TUBGCP4: variants seen among roughly 807,000 people sequenced by gnomAD.
The protein encoded by TUBGCP4 is tubulin gamma complex component 4, also known as gamma-tubulin complex component 4.
Under a neutral mutation model 91.6 loss-of-function variants are expected in TUBGCP4, and 54 were observed. That is an observed-to-expected ratio of 0.59 (90% confidence interval 0.47 to 0.74). The LOEUF is 0.74. Ranked by LOEUF, TUBGCP4 falls within the 30% of genes least tolerant of loss-of-function variation. The probability of loss-of-function intolerance (pLI) is 0.00; values close to 1 mark genes in which losing one functional copy is unlikely to be tolerated. For missense variants in TUBGCP4, 593 were observed against 800.9 expected, an observed-to-expected ratio of 0.74 and a Z score of 3.13; for synonymous variants, 297 against 302.8, an observed-to-expected ratio of 0.98 and a Z score of 0.20.
At chr15:43,397,722 T>G (rs1213914166) in intron 12 of TUBGCP4, among the ~76,000 whole-genome samples, 1 of 152,140 alleles carries the variant, frequency 6.6e-6, no homozygotes, top group Non-Finnish European at 1.5e-5. Flanking sequence ...CTGTTGCTTT[T>G]CTTTTGGAGA....
rs1292267174 is a variant in TUBGCP4 at position 43,405,418 on chromosome 15, G to C, written c.*204G>C. 2 of 609,240 alleles carry C rather than the reference G, an allele frequency of 3.3e-6. No homozygotes were observed. The highest frequency in any genetic ancestry group is 3.0e-5 in the Admixed American group (1 of 33,548). The allele number at this position is 609,240 out of a possible 1,614,324, so 37.7% of individuals were successfully genotyped here. On this transcript the variant is annotated 3_prime_UTR_variant, in exon 18 of 18. Coordinates refer to ENST00000564079, the MANE Select transcript of TUBGCP4 (RefSeq NM_014444.5). ...CATGTGGAAGGGTCTCTCCCATCAA[G>C]GAGAACATGTGGCATCTCTGATCCT...
chr15:43,385,992 A>C, intron 8 of TUBGCP4, 36 bp downstream of exon 8: 2 of 1,609,526 alleles, frequency 1.2e-6, no homozygotes, highest in South Asian at 2.2e-5. Context: ...CACACCCTCA[A>C]AATCTCTTCT....
chr15:43,404,034 A>G, intron 16 of TUBGCP4: 1 of 552,080 alleles, frequency 1.8e-6, no homozygotes, highest in Non-Finnish European at 3.2e-6. Context: ...AGCCCATCAA[A>G]TAAGCATTGG....
intron 5 of TUBGCP4, among the ~76,000 whole-genome samples, 165 bp from the exon 6 acceptor site, chr15:43,379,919 T>C (rs2044262999): frequency 6.6e-6 from 1 of 152,204 alleles, no homozygotes; most frequent in South Asian, 2.1e-4. Flanking sequence ...ATGCTGCTGA[T>C]GGGAGAGAGG....
chr15:43,400,488 C>T (rs560007050), intron 14 of TUBGCP4, among the ~76,000 whole-genome samples: 1 of 152,170 alleles, frequency 6.6e-6, no homozygotes. Context: ...GCCTCAAGCT[C>T]CTGGACTCAA....
chr15:43,407,085 T>TAA lies in TUBGCP4; in HGVS notation c.*1872_*1873dup, dbSNP rs1480613720. On this transcript the variant is annotated 3_prime_UTR_variant, in exon 18 of 18. Transcript: ENST00000564079. ...GATGCCACAGAATAAAGTTCACTCTTAACTTTTCAATTTCCTTGGCCAGCT... is the reference window on the plus strand; with the variant it reads ...GATGCCACAGAATAAAGTTCACTCTTAAAACTTTTCAATTTCCTTGGCCAGCT... 3.2e-6 allele frequency: 1 copy of TAA among 307,920 alleles called. No homozygotes were observed. Among genetic ancestry groups the TAA allele is most frequent in the African/African-American group, 2.1e-5 (1 of 46,922 alleles). The allele number at this position is 307,920 out of a possible 1,614,324, so 19.1% of individuals were successfully genotyped here.
chr15:43,388,549 C>A (rs912537150), intron 9 of TUBGCP4, among the ~76,000 whole-genome samples: 1 of 152,130 alleles, frequency 6.6e-6, no homozygotes, highest in South Asian at 2.1e-4. Flanking sequence ...GGTATCAGTT[C>A]CTTTCATTTT....
In TUBGCP4 at chr15:43,405,291, G is replaced by A. The variant is rs2044831876; in HGVS notation, c.*77G>A. The A allele has an allele frequency of 6.6e-7, 1 of 1,518,114 alleles. No individual in the cohort carries two copies. Among genetic ancestry groups the A allele is most frequent in the African/African-American group, 1.4e-5 (1 of 72,718 alleles). 94.0% of individuals were successfully genotyped at this position (1,518,114 alleles called of 1,614,324 possible). ...AGAAGATTCAAAACATCCCATTCTA[G>A]CCACACACAAATAAATATCTGCGGC... On this transcript the variant is annotated 3_prime_UTR_variant, in exon 18 of 18. Transcript: ENST00000564079.
At position 43,405,198 on chromosome 15, in the gene TUBGCP4, G is replaced by A. The variant is rs1460218262; in HGVS notation, c.1989-4G>A. 2 of 1,613,890 alleles carry A rather than the reference G, an allele frequency of 1.2e-6. No homozygotes were observed. Among genetic ancestry groups the A allele is most frequent in the Non-Finnish European group, 8.5e-7 (1 of 1,179,962 alleles). On this transcript the variant is annotated splice_polypyrimidine_tract_variant and splice_region_variant and intron_variant, in intron 17 of 17. Transcript: ENST00000564079. ...CTTAATAAGGCTCTTTTTCTCTTTT[G>A]TAGTTTCGGGATGTGAAAATTTCTG...
At chr15:43,401,177 G>A (rs1288968398) in intron 14 of TUBGCP4, among the ~76,000 whole-genome samples, 1 of 143,972 alleles carries the variant, frequency 6.9e-6, no homozygotes, top group East Asian at 2.1e-4. Context: ...GAGGCTGGGC[G>A]CAGTGGCTCA....
intron 9 of TUBGCP4, among the ~76,000 whole-genome samples, chr15:43,388,901 C>G (rs2044424447): frequency 6.6e-6 from 1 of 152,112 alleles, no homozygotes. Flanking sequence ...TTCTTTCTCT[C>G]CTTTAAAAAT....
intron 9 of TUBGCP4, among the ~76,000 whole-genome samples, chr15:43,388,873 T>C (rs1187162763): frequency 6.6e-6 from 1 of 152,250 alleles, no homozygotes; most frequent in Non-Finnish European, 1.5e-5. Flanking sequence ...ATATGTGTTA[T>C]ATTTATCCCT....
At chr15:43,397,129 G>C (rs2142864459) in intron 11 of TUBGCP4, 85 bp from the exon 12 acceptor site, 1 of 904,710 alleles carries the variant, frequency 1.1e-6, no homozygotes, top group South Asian at 1.3e-5. Context: ...CATTGAGCAT[G>C]TTGGGGGAGA....
intron 5 of TUBGCP4, among the ~76,000 whole-genome samples, chr15:43,379,453 A>G (rs1278408392): frequency 6.6e-6 from 1 of 152,130 alleles, no homozygotes; most frequent in African/African-American, 2.4e-5. Flanking sequence ...CATCCTGGCT[A>G]ACACAGTGAA....
intron 9 of TUBGCP4, among the ~76,000 whole-genome samples, chr15:43,386,725 C>CAAAAAAAAAAAAAAAAAAA (rs10718458): frequency 3.0e-5 from 2 of 67,012 alleles, no homozygotes; most frequent in Non-Finnish European, 2.9e-5. Context: ...ACTCTGTCTC[C>CAAAAAAAAAAAAAAAAAAA]AAAAAAAAAA....
Position 43,376,177 on chromosome 15 carries a change from T to A in TUBGCP4, c.158T>A (p.Ile53Asn), listed in dbSNP as rs760595485. 2 of 1,614,144 alleles carry A rather than the reference T, an allele frequency of 1.2e-6. No individual in the cohort carries two copies. Among genetic ancestry groups the A allele is most frequent in the Non-Finnish European group, 1.7e-6 (2 of 1,180,014 alleles). The change falls in exon 2 of 18, where the codon ATT becomes AAT. Residue 53 changes from isoleucine (I) to asparagine (N), a missense_variant. Coordinates refer to ENST00000564079, the MANE Select transcript of TUBGCP4 (RefSeq NM_014444.5). ...CTCTGCCGGCTCGGCACAGACTATA[T>A]TCGCTTCACTGAGTTCATTGAACAG... Reference protein sequence around the residue: ...NRLCRLGTDYIRFTEFIEQYT... With the variant: ...NRLCRLGTDYNRFTEFIEQYT...
chr15:43,392,869 ATT>A (rs2044500901), intron 9 of TUBGCP4, among the ~76,000 whole-genome samples: 1 of 151,984 alleles, frequency 6.6e-6, no homozygotes, highest in East Asian at 1.9e-4. Flanking sequence ...TTCAAATCAT[ATT>A]TACCTGATAC....
In TUBGCP4 at chr15:43,399,322, C is replaced by T. The variant is rs577219544; in HGVS notation, c.1419-722C>T. ...AGAGGGAAGCTATTTTACTTTCTTT[C>T]GGCTCTCAGCGACAGAGAATCAGAT... On this transcript the variant is annotated intron_variant, in intron 13 of 17. Transcript: ENST00000564079. The T allele has an allele frequency of 4.5e-5, 12 of 267,204 alleles. No homozygotes were observed. In the East Asian group the frequency reaches 9.3e-4, roughly 21 times the overall value. 16.6% of individuals were successfully genotyped at this position (267,204 alleles called of 1,614,324 possible).
In TUBGCP4 at chr15:43,400,115, T is replaced by C; in HGVS notation, c.1490T>C (p.Leu497Pro). Residue 497 changes from leucine (L) to proline (P), a missense_variant, in exon 14 of 18, where the codon CTA becomes CCA. By Grantham distance (98) the Leu-to-Pro change is moderately conservative. Transcript: ENST00000564079. ...GCTGAGCTGCAGCACTGCTGGGCCCTACAAATGCAGCGCAAGCACCTCAAG... is the reference window on the plus strand; with the variant it reads ...GCTGAGCTGCAGCACTGCTGGGCCCCACAAATGCAGCGCAAGCACCTCAAG... The part of the protein sequence containing the change: ...VQAELQHCWA[L>P]QMQRKHLKSN... 6.2e-7 allele frequency: 1 copy of C among 1,614,218 alleles called. No individual in the cohort carries two copies.
Sources: allele counts gnomAD v4.1 joint callset (sites outside exome capture counted in the v4.1 genomes callset), GRCh38; gene constraint gnomAD v4.1.1; transcripts MANE v1.5; gene names NCBI Gene and HGNC (gene_info 2026-07-23, HGNC 2026-07-21).